Variants in MKKS observed in about 807,000 individuals in gnomAD.
The protein encoded by MKKS is MKKS centrosomal shuttling protein, also known as molecular chaperone MKKS.
In MKKS, 29 loss-of-function variants were observed where a neutral mutation model predicts 33.2. The observed-to-expected ratio is 0.87, with a 90% CI of 0.65 to 1.19. MKKS has a LOEUF of 1.19. MKKS is among the 50% of genes most tolerant of loss of function. The probability of loss-of-function intolerance (pLI) is 0.00; values close to 1 mark genes in which losing one functional copy is unlikely to be tolerated. For missense variants in MKKS, 661 were observed against 662.3 expected, an observed-to-expected ratio of 1.00 and a Z score of 0.02; for synonymous variants, 260 against 244.0, an observed-to-expected ratio of 1.07 and a Z score of -0.61.
Position 10,405,532 on chromosome 20 carries a change from G to A in MKKS, c.1428C>T (p.His476=). ...GEILTDMKYG[H]LWSVQADSPC... ...GAGAATCTGCCTGAACTGACCAAAG[G>A]TGTCCATACTTCATGTCAGTGAGAA... The change falls in exon 6 of 6, where the codon CAC becomes CAT. Residue 476 remains histidine (H), a synonymous_variant. Coordinates refer to ENST00000347364, the MANE Select transcript of MKKS (RefSeq NM_170784.3). 6.2e-7 allele frequency: 1 copy of A among 1,614,136 alleles called. No homozygotes were observed. The highest frequency in any genetic ancestry group is 8.5e-7 in the Non-Finnish European group (1 of 1,180,018).
At position 10,412,922 on chromosome 20, in the gene MKKS, T is replaced by C. The variant is rs746477823; in HGVS notation, c.593A>G (p.Lys198Arg). Residue 198 changes from lysine (K) to arginine (R), a missense_variant, in exon 3 of 6, where the codon AAG (lysine) becomes AGG (arginine). Transcript: ENST00000347364. ...ACCTTTTAAAGGTACAATTAAACTCTTTCCTAAAATGATGTGGCCTTCAGC... is the reference window on the plus strand; with the variant it reads ...ACCTTTTAAAGGTACAATTAAACTCCTTCCTAAAATGATGTGGCCTTCAGC... ...ENAEGHIILG[K>R]SLIVPLKGQR... The C allele has an allele frequency of 6.2e-7, 1 of 1,613,596 alleles. No homozygotes were observed. The highest frequency in any genetic ancestry group is 8.5e-7 in the Non-Finnish European group (1 of 1,179,764).
intron 2 of MKKS, 62 bp from the exon 3 acceptor site, chr20:10,413,993 T>C: frequency 2.5e-6 from 1 of 396,838 alleles, no homozygotes; most frequent in Middle Eastern, 6.4e-4. Flanking sequence ...TAGACTGCAG[T>C]TTAATAATTT....
chr20:10,428,878 C>T (rs1348103594), intron 1 of MKKS, among the ~76,000 whole-genome samples: 2 of 152,144 alleles, frequency 1.3e-5, no homozygotes, highest in Admixed American at 6.5e-5. Flanking sequence ...TCCTTGCCTG[C>T]TGTCAGAAGA....
chr20:10,426,996 A>G (rs908516869), intron 1 of MKKS, among the ~76,000 whole-genome samples: 2 of 148,844 alleles, frequency 1.3e-5, no homozygotes, highest in African/African-American at 4.9e-5. Context: ...GTAATCTTTT[A>G]GAGTAGCTTA....
chr20:10,409,697 G>T (rs1343911027), intron 3 of MKKS, among the ~76,000 whole-genome samples: 1 of 152,042 alleles, frequency 6.6e-6, no homozygotes, highest in Non-Finnish European at 1.5e-5. Context: ...TGTCGGCCGG[G>T]TGTAGTGGCT....
chr20:10,433,962 C>T (rs2065077020), intron 1 of MKKS, 146 bp downstream of exon 1: 3 of 152,306 alleles, frequency 2.0e-5, no homozygotes, highest in African/African-American at 7.2e-5. Context: ...GAGAGCCAGC[C>T]TCCTCCTTGT....
chr20:10,405,007 A>G lies in MKKS; in HGVS notation c.*240T>C, dbSNP rs1325900268. The G allele has an allele frequency of 2.9e-5, 10 of 339,036 alleles. No homozygotes were observed. The highest frequency in any genetic ancestry group is 4.8e-5 in the Non-Finnish European group (9 of 186,738). 21.0% of individuals were successfully genotyped at this position (339,036 alleles called of 1,614,324 possible). On this transcript the variant is annotated 3_prime_UTR_variant, in exon 6 of 6. Coordinates refer to ENST00000347364, the MANE Select transcript of MKKS (RefSeq NM_170784.3). ...TAGAACAATGTACAGCAGCCAGTAT[A>G]GAATCCCTAAGATAACTATAATATT...
At position 10,413,528 on chromosome 20, in the gene MKKS, G is replaced by A; in HGVS notation, c.-14C>T. 1 of 1,613,998 alleles carries A rather than the reference G, an allele frequency of 6.2e-7. No individual in the cohort carries two copies. The highest frequency in any genetic ancestry group is 8.5e-7 in the Non-Finnish European group (1 of 1,179,950). ...CAAACGAGACATCTTACTTCAGGTG[G>A]TAACTAGTGAAGACCGTTTTTATTT... On this transcript the variant is annotated 5_prime_UTR_variant, in exon 3 of 6. Coordinates refer to ENST00000347364, the MANE Select transcript of MKKS (RefSeq NM_170784.3).
chr20:10,414,581 A>C (rs2064923480), intron 2 of MKKS, among the ~76,000 whole-genome samples: 1 of 152,176 alleles, frequency 6.6e-6, no homozygotes, highest in Admixed American at 6.5e-5. Context: ...TGAGTCTTAA[A>C]AGAAGTCCCA....
intron 1 of MKKS, among the ~76,000 whole-genome samples, chr20:10,421,859 G>A (rs748630677): frequency 3.3e-5 from 5 of 151,906 alleles, no homozygotes; most frequent in African/African-American, 9.7e-5. Flanking sequence ...TGTTGGGTTT[G>A]GGAACTTGAA....
At chr20:10,424,779 C>T (rs1334960586) in intron 1 of MKKS, among the ~76,000 whole-genome samples, 4 of 151,966 alleles carry the variant, frequency 2.6e-5, no homozygotes, top group Non-Finnish European at 5.9e-5. Context: ...GAGCAGGGCA[C>T]GGTGGCTCAT....
chr20:10,427,942 G>C lies in MKKS; in HGVS notation c.-649+6166C>G, dbSNP rs6039923. ...GGCTGCTAACAGCGTAACTGAGTCA[G>C]GAGTGGATCTGCAGTCAGAAGGCCG... On this transcript the variant is annotated intron_variant, in intron 1 of 5. Coordinates refer to ENST00000347364, the MANE Select transcript of MKKS (RefSeq NM_170784.3). 2.0e-5 allele frequency among the ~76,000 whole-genome samples: 3 copies of C among 152,204 alleles called. No homozygotes were observed. In the East Asian group the frequency reaches 5.8e-4, roughly 29 times the overall value.
chr20:10,433,100 C>T (rs546953225), intron 1 of MKKS, among the ~76,000 whole-genome samples: 21 of 152,336 alleles, frequency 1.4e-4, no homozygotes, highest in African/African-American at 5.0e-4. Context: ...GCCTCCAGGG[C>T]TCAAGCGATT....
At chr20:10,432,450 G>C (rs2065059870) in intron 1 of MKKS, among the ~76,000 whole-genome samples, 1 of 152,118 alleles carries the variant, frequency 6.6e-6, no homozygotes, top group Non-Finnish European at 1.5e-5. Context: ...ATTGCATCCA[G>C]GACCCATGAT....
chr20:10,414,673 A>G (rs560384430), intron 2 of MKKS, among the ~76,000 whole-genome samples: 2 of 152,292 alleles, frequency 1.3e-5, no homozygotes, highest in East Asian at 3.9e-4. Flanking sequence ...TTAGGTTTGA[A>G]CAGAAGTGCA....
intron 1 of MKKS, among the ~76,000 whole-genome samples, chr20:10,423,720 T>C (rs1373840795): frequency 1.3e-5 from 2 of 152,206 alleles, no homozygotes; most frequent in Non-Finnish European, 2.9e-5. Context: ...TTTATGTATA[T>C]TGTGCTTAAC....
rs746892387 is a variant in MKKS, at chr20:10,407,651, T to C, written c.1237A>G (p.Thr413Ala). The change falls in exon 5 of 6, where the codon ACT becomes GCT. Residue 413 changes from threonine (T) to alanine (A), a missense_variant. Thr to Ala is a moderately conservative substitution (Grantham distance 58). Transcript: ENST00000347364. ...EPWALLGGGC[T>A]ETHLAAYIRH... ...ATATATGCAGCCAAATGAGTTTCAG[T>C]ACAGCCACCTCCCAACAAAGCCCAT... 2 of 1,614,042 alleles carry C rather than the reference T, an allele frequency of 1.2e-6. No homozygotes were observed. Among genetic ancestry groups the C allele is most frequent in the Admixed American group, 3.3e-5 (2 of 60,020 alleles).
At chr20:10,432,503 G>T (rs1056154203) in intron 1 of MKKS, among the ~76,000 whole-genome samples, 1 of 152,136 alleles carries the variant, frequency 6.6e-6, no homozygotes, top group Non-Finnish European at 1.5e-5. Flanking sequence ...TTTAAAAATT[G>T]TGTAGTAGGC....
At chr20:10,410,093 C>A (rs1449854438) in intron 3 of MKKS, among the ~76,000 whole-genome samples, 4 of 148,234 alleles carry the variant, frequency 2.7e-5, no homozygotes, top group African/African-American at 1.0e-4. Flanking sequence ...TTGTTTACTT[C>A]TGAAATATTC....
Sources: allele counts gnomAD v4.1 joint callset (sites outside exome capture counted in the v4.1 genomes callset), GRCh38; gene constraint gnomAD v4.1.1; transcripts MANE v1.5; gene names NCBI Gene and HGNC (gene_info 2026-07-23, HGNC 2026-07-21).